The following IL6R variants were observed in gnomAD, a reference collection of about 807,000 sequenced individuals.
The protein encoded by IL6R is interleukin-6 receptor subunit alpha.
In IL6R, 38 loss-of-function variants were observed where a neutral mutation model predicts 48.3. The observed-to-expected ratio is 0.79, with a 90% confidence interval of 0.61 to 1.03. The LOEUF is 1.03. Among genes scored for constraint, IL6R ranks in the 50% least tolerant of loss-of-function variants. The probability of loss-of-function intolerance (pLI) is 0.00; values close to 1 mark genes in which losing one functional copy is unlikely to be tolerated. For synonymous variants in IL6R, 264 were observed against 256.2 expected, an observed-to-expected ratio of 1.03 and a Z score of -0.29; for missense variants, 534 against 618.3, an observed-to-expected ratio of 0.86 and a Z score of 1.45.
chr1:154,428,641 G>C (rs983837951), intron 1 of IL6R, among the ~76,000 whole-genome samples: 9 of 152,336 alleles, frequency 5.9e-5, no homozygotes, highest in African/African-American at 2.2e-4. Flanking sequence ...GTGGTGCTTG[G>C]AGTCTTGAGG....
chr1:154,416,613 G>A (rs555016946), intron 1 of IL6R, among the ~76,000 whole-genome samples: 2 of 152,082 alleles, frequency 1.3e-5, no homozygotes, highest in Non-Finnish European at 2.9e-5. Flanking sequence ...ACTTCCACTG[G>A]AACTGCTTCC....
At chr1:154,429,856 G>A in intron 2 of IL6R, among the ~76,000 whole-genome samples, 1 of 152,088 alleles carries the variant, frequency 6.6e-6, no homozygotes, top group East Asian at 1.9e-4. Context: ...GTGTGTGTGT[G>A]TATATCACAC....
At chr1:154,454,324 C>G (rs1690750628) in intron 8 of IL6R, 164 bp from the exon 9 acceptor site, 1 of 607,138 alleles carries the variant, frequency 1.6e-6, no homozygotes, top group Non-Finnish European at 2.9e-6. Flanking sequence ...TGTCAAATGG[C>G]CTGTTGGTTG....
rs368550644 is a variant in IL6R, at chr1:154,436,001, C to A, written c.840C>A (p.His280Gln). The A allele has an allele frequency of 6.2e-7, 1 of 1,610,890 alleles. No homozygotes were observed. Among genetic ancestry groups the A allele is most frequent in the South Asian group, 1.1e-5 (1 of 90,656 alleles). Residue 280 changes from histidine (H) to glutamine (Q), a missense_variant, in exon 6 of 10, where the codon CAC becomes CAA. His to Gln is a conservative substitution (Grantham distance 24). Transcript: ENST00000368485. ...VKDLQHHCVI[H>Q]DAWSGLRHVV... ...ACCTCCAGCATCACTGTGTCATCCA[C>A]GACGCCTGGAGCGGCCTGAGGCACG...
At chr1:154,432,357 CTTTTT>C (rs1171656160) in intron 3 of IL6R, among the ~76,000 whole-genome samples, 2 of 139,346 alleles carry the variant, frequency 1.4e-5, no homozygotes, top group Non-Finnish European at 1.6e-5. Flanking sequence ...AACTGAAATA[CTTTTT>C]TTTTTTTTTT....
chr1:154,461,394 G>T (rs551249122), intron 9 of IL6R, among the ~76,000 whole-genome samples: 1 of 152,128 alleles, frequency 6.6e-6, no homozygotes, highest in Non-Finnish European at 1.5e-5. Flanking sequence ...CCTTTTGCCG[G>T]TCTGCTAAGT....
At chr1:154,419,996 A>T (rs76551882) in intron 1 of IL6R, among the ~76,000 whole-genome samples, 6,430 of 151,950 alleles carry the variant, frequency 0.042, 466 homozygotes, top group African/African-American at 0.15. Context: ...GGGAGGGGGA[A>T]TCCTAGGCCA....
intron 6 of IL6R, among the ~76,000 whole-genome samples, chr1:154,444,598 A>G (rs1690112064): frequency 6.6e-6 from 1 of 152,198 alleles, no homozygotes; most frequent in Non-Finnish European, 1.5e-5. Flanking sequence ...CCATAATTTC[A>G]TAAAAGAAAG....
intron 1 of IL6R, among the ~76,000 whole-genome samples, chr1:154,425,393 A>T (rs1182572799): frequency 6.6e-6 from 1 of 152,104 alleles, no homozygotes; most frequent in Non-Finnish European, 1.5e-5. Context: ...ATGACCGCAA[A>T]CCTCCCTCAG....
rs574740731 is a variant in IL6R, at chr1:154,408,702, T to C, written c.85+2988T>C. ...ACCTAGGTGCTGACTGCTGAAAATA[T>C]ACACTCCCTTCCCCCGTCTCCTGAA... On this transcript the variant is annotated intron_variant, in intron 1 of 9. Transcript: ENST00000368485. Among the ~76,000 whole-genome samples the C allele has an allele frequency of 2.6e-5, 4 of 152,208 alleles. No individual in the cohort carries two copies. In the South Asian group the frequency reaches 6.2e-4, roughly 24 times the overall value.
At chr1:154,462,368 C>T (rs1252514768) in intron 9 of IL6R, among the ~76,000 whole-genome samples, 1 of 142,254 alleles carries the variant, frequency 7.0e-6, no homozygotes, top group East Asian at 2.2e-4. Flanking sequence ...TCTTGTAAAT[C>T]TCAGACTTTT....
intron 1 of IL6R, among the ~76,000 whole-genome samples, chr1:154,409,278 C>T (rs1488129248): frequency 1.3e-5 from 2 of 152,152 alleles, no homozygotes; most frequent in Non-Finnish European, 2.9e-5. Context: ...CGTGGAAAGC[C>T]CTACTGGACG....
At chr1:154,454,452 C>T (rs1198415206) in intron 8 of IL6R, 36 bp from the exon 9 acceptor site, 2 of 1,316,262 alleles carry the variant, frequency 1.5e-6, no homozygotes, top group Admixed American at 1.8e-5. Context: ...ATATTCTCCT[C>T]TTCCTCCTCT....
At chr1:154,438,361 CAG>C (rs1689752060) in intron 6 of IL6R, among the ~76,000 whole-genome samples, 2 of 152,188 alleles carry the variant, frequency 1.3e-5, no homozygotes, top group South Asian at 4.2e-4. Flanking sequence ...CTTCCAGAGA[CAG>C]AGAGCTTACT....
Position 154,405,830 on chromosome 1 carries a change from T to A in IL6R, c.85+116T>A, listed in dbSNP as rs1570905891. On this transcript the variant is annotated intron_variant, in intron 1 of 9. Coordinates refer to ENST00000368485, the MANE Select transcript of IL6R (RefSeq NM_000565.4). The surrounding 1 kb of genome is among the most constrained non-coding windows in gnomAD (Gnocchi z 5.2). Reference sequence around the variant, plus strand: ...AGGAAAGGAGGTGCGACGGATCCCCTTTTCTGTGGCTGCCTTGAGGCCCCG... The same window carrying A: ...AGGAAAGGAGGTGCGACGGATCCCCATTTCTGTGGCTGCCTTGAGGCCCCG... 3.8e-6 allele frequency: 3 copies of A among 789,780 alleles called. No individual in the cohort carries two copies. Among genetic ancestry groups the A allele is most frequent in the Non-Finnish European group, 5.6e-6 (3 of 535,146 alleles). The allele number at this position is 789,780 out of a possible 1,614,324, so 48.9% of individuals were successfully genotyped here. A position where few individuals can be genotyped will look rare whatever the true frequency, so the allele number is the denominator to read the frequency against.
chr1:154,430,668 AGG>A (rs997458452), intron 3 of IL6R, 62 bp downstream of exon 3: 1 of 1,603,906 alleles, frequency 6.2e-7, no homozygotes, highest in Non-Finnish European at 8.5e-7. Context: ...CCCCCCAGAG[AGG>A]GGCTGGTTCA....
chr1:154,426,882 A>T (rs1466786871), intron 1 of IL6R, among the ~76,000 whole-genome samples: 1 of 150,244 alleles, frequency 6.7e-6, no homozygotes, highest in Admixed American at 6.6e-5. Flanking sequence ...TCCACCCCTT[A>T]TTGCCCTCAG....
chr1:154,425,788 A>G (rs1688928770), intron 1 of IL6R, among the ~76,000 whole-genome samples: 1 of 151,542 alleles, frequency 6.6e-6, no homozygotes, highest in Non-Finnish European at 1.5e-5. Context: ...AAAAGAAAAA[A>G]AAAAAAAGCA....
intron 1 of IL6R, among the ~76,000 whole-genome samples, chr1:154,410,396 C>T (rs543626782): frequency 1.3e-5 from 2 of 152,056 alleles, no homozygotes; most frequent in Non-Finnish European, 2.9e-5. Context: ...GGACTACAGG[C>T]GTGCACCACC....
Sources: gnomAD v4.1 joint callset for allele counts (sites outside exome capture counted in the v4.1 genomes callset) on GRCh38, gnomAD v4.1.1 for gene constraint, Gnocchi (gnomAD v3.1) non-coding constraint, MANE v1.5 for transcripts, NCBI Gene and HGNC (gene_info 2026-07-23, HGNC 2026-07-21) for gene names.